DOCK3: variants seen among roughly 807,000 people sequenced by gnomAD.
DOCK3 encodes the protein dedicator of cytokinesis 3.
In DOCK3, 60 loss-of-function variants were observed where a neutral mutation model predicts 265.6. The ratio of observed to expected loss-of-function variants is 0.23; its 90% CI spans 0.18 to 0.28. The LOEUF (loss-of-function observed/expected upper bound fraction) is 0.28, where lower values mean the gene tolerates loss of function less well. Among genes scored for constraint, DOCK3 ranks in the 10% least tolerant of loss-of-function variants. The pLI is 1.00. For synonymous variants in DOCK3, 881 were observed against 938.0 expected, an observed-to-expected ratio of 0.94 and a Z score of 1.11; for missense variants, 1,981 against 2,594.3, an observed-to-expected ratio of 0.76 and a Z score of 5.14.
At chr3:51,276,358 G>T (rs2080818884) in intron 25 of DOCK3, 1 of 985,334 alleles carries the variant, frequency 1.0e-6, no homozygotes, top group Non-Finnish European at 1.2e-6. Context: ...GCCCAAGGTT[G>T]TATTGAGGGG....
At chr3:51,282,901 C>A (rs1031353553) in intron 27 of DOCK3, among the ~76,000 whole-genome samples, 9 of 152,078 alleles carry the variant, frequency 5.9e-5, no homozygotes, top group African/African-American at 1.9e-4. Context: ...AAACTACAAA[C>A]CAATACCCCT....
intron 3 of DOCK3, among the ~76,000 whole-genome samples, chr3:50,889,069 GTGTGTGTGTGTGT>G (rs1559773799): frequency 1.5e-3 from 57 of 37,950 alleles, no homozygotes; most frequent in Non-Finnish European, 3.1e-3. Context: ...AGCCATGGGT[GTGTGTGTGTGTGT>G]GTGTGTGTGT....
chr3:50,977,658 G>A (rs532679667), intron 5 of DOCK3, among the ~76,000 whole-genome samples: 1 of 152,148 alleles, frequency 6.6e-6, no homozygotes. Context: ...CTTTGTGGTG[G>A]TCTCTGTATT....
At chr3:50,715,756 T>TAGATGATG (rs1191350898) in intron 1 of DOCK3, among the ~76,000 whole-genome samples, 1 of 152,090 alleles carries the variant, frequency 6.6e-6, no homozygotes, top group African/African-American at 2.4e-5. Flanking sequence ...GAGATGGGAC[T>TAGATGATG]AGATGATGAG....
At chr3:50,996,914 A>T (rs1469998260) in intron 5 of DOCK3, among the ~76,000 whole-genome samples, 1 of 152,190 alleles carries the variant, frequency 6.6e-6, no homozygotes, top group Non-Finnish European at 1.5e-5. Context: ...CTGAAGTACT[A>T]ACCTGTTTCC....
chr3:51,296,415 C>T (rs1189057887), intron 27 of DOCK3, among the ~76,000 whole-genome samples: 1 of 150,734 alleles, frequency 6.6e-6, no homozygotes, highest in Non-Finnish European at 1.5e-5. Context: ...TTTGTACTAA[C>T]ATAAAGATAG....
At chr3:51,081,724 T>A (rs1308849453) in intron 7 of DOCK3, among the ~76,000 whole-genome samples, 1 of 151,918 alleles carries the variant, frequency 6.6e-6, no homozygotes, top group Non-Finnish European at 1.5e-5. Flanking sequence ...TGAAACCCCA[T>A]CTGTACTAAA....
chr3:50,716,959 A>G (rs1489368157), intron 1 of DOCK3, among the ~76,000 whole-genome samples: 1 of 152,136 alleles, frequency 6.6e-6, no homozygotes, highest in African/African-American at 2.4e-5. Flanking sequence ...ATATTAATGC[A>G]TATTCTTACA....
intron 9 of DOCK3, among the ~76,000 whole-genome samples, chr3:51,097,964 G>A (rs1289166336): frequency 6.6e-6 from 1 of 152,142 alleles, no homozygotes; most frequent in African/African-American, 2.4e-5. Flanking sequence ...CAGCCCCAAT[G>A]AGATGAGCTG....
chr3:51,196,513 C>G (rs994424281), intron 12 of DOCK3, among the ~76,000 whole-genome samples: 1 of 152,122 alleles, frequency 6.6e-6, no homozygotes, highest in Admixed American at 6.5e-5. Context: ...GTCTTTGTCT[C>G]TTTGAACTTG....
intron 1 of DOCK3, among the ~76,000 whole-genome samples, chr3:50,754,716 C>T (rs1276448797): frequency 6.6e-6 from 1 of 151,906 alleles, no homozygotes; most frequent in Non-Finnish European, 1.5e-5. Flanking sequence ...TGCGCTACCA[C>T]GCCTGGTCAA....
At chr3:50,944,168 A>G (rs2076369506) in intron 5 of DOCK3, among the ~76,000 whole-genome samples, 1 of 152,208 alleles carries the variant, frequency 6.6e-6, no homozygotes, top group Admixed American at 6.5e-5. Flanking sequence ...GGATGTTTGG[A>G]AAAGAGTGTA....
chr3:51,200,516 A>G (rs2088661375), intron 12 of DOCK3, among the ~76,000 whole-genome samples: 1 of 147,932 alleles, frequency 6.8e-6, no homozygotes, highest in African/African-American at 2.5e-5. Flanking sequence ...GAAATATGGG[A>G]CTATGTGAAA....
intron 5 of DOCK3, among the ~76,000 whole-genome samples, chr3:51,013,718 G>T (rs2079041272): frequency 6.6e-6 from 1 of 152,168 alleles, no homozygotes; most frequent in African/African-American, 2.4e-5. Context: ...TTTAGACAGG[G>T]ACGTTTAAGT....
chr3:50,864,717 A>T (rs2047061726), intron 3 of DOCK3, among the ~76,000 whole-genome samples: 1 of 151,850 alleles, frequency 6.6e-6, no homozygotes, highest in Non-Finnish European at 1.5e-5. Flanking sequence ...TCCAATGTAT[A>T]TTCTTGGTTC....
Position 51,207,171 on chromosome 3 carries a change from G to T in DOCK3, c.1038-1603G>T, listed in dbSNP as rs186509519. On this transcript the variant is annotated intron_variant, in intron 12 of 52. Coordinates refer to ENST00000266037, the MANE Select transcript of DOCK3 (RefSeq NM_004947.5). ...CTGTGAAGGTCACAAATACGTAAGG[G>T]GTATGCAAGGGGAGAGGAATGGCAG... Among the ~76,000 whole-genome samples, 7 of 152,182 alleles carry T rather than the reference G, an allele frequency of 4.6e-5. No individual in the cohort carries two copies. In the East Asian group the frequency reaches 1.4e-3, roughly 30 times the overall value.
At chr3:50,731,414 G>A (rs1330799173) in intron 1 of DOCK3, among the ~76,000 whole-genome samples, 1 of 152,100 alleles carries the variant, frequency 6.6e-6, no homozygotes, top group Admixed American at 6.6e-5. Flanking sequence ...TGTCAACGTA[G>A]GCTCATCATT....
At chr3:50,874,061 C>CTTTTTTTTTTTT (rs1234594228) in intron 3 of DOCK3, among the ~76,000 whole-genome samples, 3 of 104,574 alleles carry the variant, frequency 2.9e-5, no homozygotes, top group African/African-American at 1.1e-4. Flanking sequence ...TTTTTCTTTT[C>CTTTTTTTTTTTT]TTTTGTTTTT....
chr3:50,682,920 C>A (rs1292945239), intron 1 of DOCK3, among the ~76,000 whole-genome samples: 1 of 152,258 alleles, frequency 6.6e-6, no homozygotes, highest in African/African-American at 2.4e-5. Context: ...GCCTGGGTGA[C>A]AGAGTAAGAC....
Sources: allele counts gnomAD v4.1 joint callset (sites outside exome capture counted in the v4.1 genomes callset), GRCh38; gene constraint gnomAD v4.1.1; transcripts MANE v1.5; gene names NCBI Gene and HGNC (gene_info 2026-07-23, HGNC 2026-07-21).